Variants in PCDHGA7 observed in about 807,000 individuals in gnomAD.
PCDHGA7 encodes the protein protocadherin gamma subfamily A, 7.
A neutral mutation model predicts 58.3 loss-of-function variants in PCDHGA7; 44 were observed. The observed-to-expected ratio is 0.75, with a 90% confidence interval of 0.59 to 0.97. The LOEUF (loss-of-function observed/expected upper bound fraction) is 0.97. Ranked by LOEUF, PCDHGA7 falls within the 50% of genes least tolerant of loss-of-function variation. The pLI is 0.00. For missense variants in PCDHGA7, 1,266 were observed against 1,188.7 expected, an observed-to-expected ratio of 1.06 and a Z score of -0.96; for synonymous variants, 516 against 504.2, an observed-to-expected ratio of 1.02 and a Z score of -0.31.
chr5:141,476,699 G>C lies in PCDHGA7; in HGVS notation c.2425-18108G>C. 1 of 1,614,222 alleles carries C rather than the reference G, an allele frequency of 6.2e-7. No individual in the cohort carries two copies. The highest frequency in any genetic ancestry group is 8.5e-7 in the Non-Finnish European group (1 of 1,180,042). ...GCGGGAGGACAGCACCAAGTACGCG[G>C]AGCTGGTGTTGGAGCGCGCCCTGGA... is the stretch of plus-strand genomic sequence containing the variant. On this transcript the variant is annotated intron_variant, in intron 1 of 3. Transcript: ENST00000518325. The surrounding 1 kb of genome is among the most constrained non-coding windows in gnomAD (Gnocchi z 7.6).
chr5:141,463,616 T>C (rs941383375), intron 1 of PCDHGA7, among the ~76,000 whole-genome samples: 28 of 151,762 alleles, frequency 1.8e-4, no homozygotes, highest in Non-Finnish European at 2.1e-4. Flanking sequence ...GCCCGGCTAA[T>C]TTTTTGTATT....
chr5:141,486,869 C>G lies in PCDHGA7; in HGVS notation c.2425-7938C>G. On this transcript the variant is annotated intron_variant, in intron 1 of 3. Transcript: ENST00000518325. This position sits in a 1 kb window ranked among gnomAD's most constrained non-coding sequence, Gnocchi z 5.0. ...CCTCAATGACAATGCTCCAGCTGTG[C>G]TCCGTCCTCGGGCCCGGCCTGGTTC... The G allele has an allele frequency of 6.2e-7, 1 of 1,614,246 alleles. No homozygotes were observed. The highest frequency in any genetic ancestry group is 8.5e-7 in the Non-Finnish European group (1 of 1,180,042).
chr5:141,490,045 C>T lies in PCDHGA7; in HGVS notation c.2425-4762C>T, dbSNP rs530803072. On this transcript the variant is annotated intron_variant, in intron 1 of 3. Transcript: ENST00000518325. The surrounding 1 kb of genome is among the most constrained non-coding windows in gnomAD (Gnocchi z 5.4). ...GCTGCTCCGCCTCAATGCCACTGAT[C>T]CAGACGAGGGCACCAACGGCCAACT... 1.2e-5 allele frequency: 19 copies of T among 1,614,114 alleles called. No individual in the cohort carries two copies. Among genetic ancestry groups the T allele is most frequent in the Admixed American group, 1.2e-4 (7 of 60,014 alleles).
intron 1 of PCDHGA7, among the ~76,000 whole-genome samples, chr5:141,464,803 G>A (rs933573443): frequency 1.5e-4 from 23 of 152,092 alleles, no homozygotes; most frequent in African/African-American, 5.1e-4. Context: ...CAGTGATGCA[G>A]TCATAGCTCA....
chr5:141,390,105 T>C (rs2092048923), intron 1 of PCDHGA7: 4 of 1,614,052 alleles, frequency 2.5e-6, no homozygotes, highest in African/African-American at 1.3e-5. Flanking sequence ...TCCCCCCAAC[T>C]ACAGCGAGGG....
chr5:141,422,569 G>C, intron 1 of PCDHGA7: 2 of 1,613,984 alleles, frequency 1.2e-6, no homozygotes, highest in Non-Finnish European at 1.7e-6. Flanking sequence ...AGATGACAAC[G>C]ATAACCCTCC....
At chr5:141,402,221 G>T (rs567791316) in intron 1 of PCDHGA7, among the ~76,000 whole-genome samples, 1 of 151,824 alleles carries the variant, frequency 6.6e-6, no homozygotes, top group East Asian at 1.9e-4. Flanking sequence ...TAAAATAAAC[G>T]TTTTTCCAGG....
chr5:141,385,085 A>C lies in PCDHGA7; in HGVS notation c.2186A>C (p.Glu729Ala). 1 of 1,614,132 alleles carries C rather than the reference A, an allele frequency of 6.2e-7. No homozygotes were observed. The highest frequency in any genetic ancestry group is 1.1e-5 in the South Asian group (1 of 91,086). Residue 729 changes from glutamate to alanine, a missense_variant, in exon 1 of 4, where the codon GAA becomes GCA. Physicochemically the swap from Glu to Ala is moderately radical, Grantham distance 107 (BLOSUM62 -1). Coordinates refer to ENST00000518325, the MANE Select transcript of PCDHGA7 (RefSeq NM_018920.4). ...WHKSRLLQAS[E>A]GGLANVPTSH... The stretch of plus-strand genomic sequence containing the variant: ...AAGTCACGCCTGCTGCAGGCTTCAG[A>C]AGGTGGCTTGGCGAACGTGCCCACC...
intron 2 of PCDHGA7, among the ~76,000 whole-genome samples, chr5:141,500,148 G>A (rs936567158): frequency 6.6e-6 from 1 of 150,990 alleles, no homozygotes; most frequent in Non-Finnish European, 1.5e-5. Flanking sequence ...ACTTTTCTTT[G>A]TGTAATCAAA....
chr5:141,510,083 G>A (rs2099879432), intron 3 of PCDHGA7, among the ~76,000 whole-genome samples: 1 of 152,104 alleles, frequency 6.6e-6, no homozygotes, highest in Non-Finnish European at 1.5e-5. Flanking sequence ...CAGAGTGCCT[G>A]GCACACAGTA....
intron 1 of PCDHGA7, among the ~76,000 whole-genome samples, chr5:141,456,250 C>T (rs1244300374): frequency 4.6e-5 from 7 of 152,014 alleles, no homozygotes; most frequent in African/African-American, 1.7e-4. Context: ...AGGCTTTGGG[C>T]GACCATTGCT....
rs1245731818 is a variant in PCDHGA7, at chr5:141,476,700, A to C, written c.2425-18107A>C. 1 of 1,614,096 alleles carries C rather than the reference A, an allele frequency of 6.2e-7. No homozygotes were observed. Among genetic ancestry groups the C allele is most frequent in the Non-Finnish European group, 8.5e-7 (1 of 1,180,016 alleles). On this transcript the variant is annotated intron_variant, in intron 1 of 3. Coordinates refer to ENST00000518325, the MANE Select transcript of PCDHGA7 (RefSeq NM_018920.4). This position sits in a 1 kb window ranked among gnomAD's most constrained non-coding sequence, Gnocchi z 7.6. Reference sequence around the variant, plus strand: ...CGGGAGGACAGCACCAAGTACGCGGAGCTGGTGTTGGAGCGCGCCCTGGAC... The same window carrying C: ...CGGGAGGACAGCACCAAGTACGCGGCGCTGGTGTTGGAGCGCGCCCTGGAC...
At position 141,384,594 on chromosome 5, in the gene PCDHGA7, G is replaced by A. The variant is rs769496358; in HGVS notation, c.1695G>A (p.Pro565=). The change falls in exon 1 of 4, where the codon CCG becomes CCA. Residue 565 remains proline (P), a synonymous_variant. Transcript: ENST00000518325. ...QNDNPPEILY[P]ALPTDGSTGM... Reference sequence around the variant, plus strand: ...ACAACCCGCCCGAGATCCTGTACCCGGCCCTCCCCACAGATGGTTCTACTG... The same window carrying A: ...ACAACCCGCCCGAGATCCTGTACCCAGCCCTCCCCACAGATGGTTCTACTG... 3.7e-6 allele frequency: 6 copies of A among 1,614,162 alleles called. No individual in the cohort carries two copies. Among genetic ancestry groups the A allele is most frequent in the East Asian group, 2.2e-5 (1 of 44,884 alleles).
chr5:141,404,736 A>G, intron 1 of PCDHGA7: 1 of 1,613,622 alleles, frequency 6.2e-7, no homozygotes, highest in Non-Finnish European at 8.5e-7. Context: ...GTGGCAGTGG[A>G]CAGAGACTCA....
Position 141,431,253 on chromosome 5 carries a change from A to G in PCDHGA7, c.2424+45930A>G, listed in dbSNP as rs1554123268. The G allele has an allele frequency of 1.2e-6, 2 of 1,614,132 alleles. No individual in the cohort carries two copies. Among genetic ancestry groups the G allele is most frequent in the South Asian group, 1.1e-5 (1 of 91,088 alleles). ...GCCTGGGATCCGGATATCGGGAAGA[A>G]CTCTCTGCAGAGCTACGAGCTCAGC... is the stretch of plus-strand genomic sequence containing the variant. On this transcript the variant is annotated intron_variant, in intron 1 of 3. Transcript: ENST00000518325. The surrounding 1 kb of genome is among the most constrained non-coding windows in gnomAD (Gnocchi z 4.8).
chr5:141,394,966 G>T (rs758463890), intron 1 of PCDHGA7: 3 of 1,613,886 alleles, frequency 1.9e-6, no homozygotes, highest in Middle Eastern at 1.6e-4. Flanking sequence ...AGGCTGAGGC[G>T]CTGGCACAAG....
intron 1 of PCDHGA7, among the ~76,000 whole-genome samples, chr5:141,466,884 T>G (rs901947336): frequency 2.6e-5 from 4 of 152,212 alleles, no homozygotes; most frequent in Admixed American, 1.3e-4. Flanking sequence ...TTTCATAATA[T>G]GCATTTTCCA....
At chr5:141,395,079 G>C in intron 1 of PCDHGA7, 1 of 1,614,142 alleles carries the variant, frequency 6.2e-7, no homozygotes, top group Non-Finnish European at 8.5e-7. Flanking sequence ...CTATTCCCAG[G>C]AAGTCTCCCT....
At chr5:141,425,957 C>A (rs1317696447) in intron 1 of PCDHGA7, among the ~76,000 whole-genome samples, 1 of 152,140 alleles carries the variant, frequency 6.6e-6, no homozygotes, top group Non-Finnish European at 1.5e-5. Context: ...TACATTAGTC[C>A]AACACATCAG....
Sources: gnomAD v4.1 joint callset for allele counts (sites outside exome capture counted in the v4.1 genomes callset) on GRCh38, gnomAD v4.1.1 for gene constraint, Gnocchi (gnomAD v3.1) non-coding constraint, MANE v1.5 for transcripts, NCBI Gene and HGNC (gene_info 2026-07-23, HGNC 2026-07-21) for gene names.